OVGP1: variants seen among roughly 807,000 people sequenced by gnomAD.
OVGP1 encodes oviductal glycoprotein 1.
Under a neutral mutation model 48.2 loss-of-function variants are expected in OVGP1, and 26 were observed. The observed-to-expected ratio is 0.54, with a 90% CI of 0.40 to 0.75. The LOEUF is 0.75. Ranked by LOEUF, OVGP1 falls within the 30% of genes least tolerant of loss-of-function variation. The pLI is 0.00. For synonymous variants in OVGP1, 294 were observed against 305.7 expected (o/e 0.96, Z 0.40); for missense variants, 791 against 820.6 (o/e 0.96, Z 0.44).
chr1:111,422,352 T>C (rs536040037), intron 6 of OVGP1, among the ~76,000 whole-genome samples: 9 of 152,338 alleles, frequency 5.9e-5, no homozygotes, highest in African/African-American at 2.2e-4. Flanking sequence ...CATTTCTGTT[T>C]TGGTCTGCAT....
intron 6 of OVGP1, 73 bp from the exon 7 acceptor site, chr1:111,421,746 T>G (rs1571355148): frequency 1.1e-6 from 1 of 903,804 alleles, no homozygotes; most frequent in East Asian, 2.4e-5. Context: ...CACAGCACTG[T>G]CTAGCTAACT....
chr1:111,417,412 T>C (rs1382571230), intron 9 of OVGP1, among the ~76,000 whole-genome samples: 3 of 152,260 alleles, frequency 2.0e-5, no homozygotes, highest in Admixed American at 6.5e-5. Flanking sequence ...GCCAGTGCTC[T>C]CTGTCAAGTC....
chr1:111,427,220 T>G, intron 1 of OVGP1, 129 bp from the exon 2 acceptor site: 2 of 1,538,050 alleles, frequency 1.3e-6, no homozygotes, highest in Middle Eastern at 3.5e-4. Flanking sequence ...GACACACAAA[T>G]GGGGACACAC....
chr1:111,415,037 G>A lies in OVGP1; in HGVS notation c.1464C>T (p.Thr488=). The A allele has an allele frequency of 2.5e-6, 4 of 1,613,780 alleles. No individual in the cohort carries two copies. The change falls in exon 11 of 11, where the codon ACC becomes ACT. Residue 488 remains threonine, a synonymous_variant. Coordinates refer to ENST00000369732, the MANE Select transcript of OVGP1 (RefSeq NM_002557.4). ...TMTSVGHQSM[T]PGEKALTPVG... Reference sequence around the variant, plus strand: ...CAGGGGTCAGGGCCTTCTCTCCAGGGGTCATGGACTGATGACCCACAGAAG... The same window carrying A: ...CAGGGGTCAGGGCCTTCTCTCCAGGAGTCATGGACTGATGACCCACAGAAG...
intron 2 of OVGP1, 117 bp from the exon 3 acceptor site, chr1:111,426,758 T>TCCCTGG: frequency 6.5e-7 from 1 of 1,549,966 alleles, no homozygotes; most frequent in African/African-American, 1.4e-5. Flanking sequence ...ACATCCTCTC[T>TCCCTGG]CCCTGGCCCT....
At chr1:111,416,168 C>A (rs1652129338) in intron 10 of OVGP1, among the ~76,000 whole-genome samples, 155 bp downstream of exon 10, 1 of 152,098 alleles carries the variant, frequency 6.6e-6, no homozygotes, top group Admixed American at 6.5e-5. Context: ...CCAAGTATCC[C>A]AACAAAGACT....
rs1231424904 is a variant in OVGP1, at chr1:111,415,253, T to C, written c.1248A>G (p.Ala416=). The change falls in exon 11 of 11, where the codon GCA becomes GCG. Residue 416 remains alanine, a synonymous_variant. Transcript: ENST00000369732. ...TDPERLAVTT[A]WTTDSKILPP... ...GCAAAATCTTACTATCAGTGGTCCA[T>C]GCCGTGGTCACAGCCAGCCTTTCAG... The C allele has an allele frequency of 6.2e-7, 1 of 1,614,202 alleles. No homozygotes were observed. Among genetic ancestry groups the C allele is most frequent in the Non-Finnish European group, 8.5e-7 (1 of 1,180,032 alleles).
intron 3 of OVGP1, 23 bp from the exon 4 acceptor site, chr1:111,425,462 G>T: frequency 1.2e-6 from 2 of 1,613,934 alleles, no homozygotes; most frequent in Non-Finnish European, 1.7e-6. Context: ...AGAGAGGGTT[G>T]ATGAGCTGGG....
At chr1:111,427,620 G>T in intron 1 of OVGP1, 77 bp downstream of exon 1, 2 of 1,527,446 alleles carry the variant, frequency 1.3e-6, no homozygotes, top group Non-Finnish European at 1.8e-6. Flanking sequence ...GCTCTCTCAG[G>T]CACCAGAGAG....
intron 5 of OVGP1, 64 bp downstream of exon 5, chr1:111,423,479 C>A: frequency 6.5e-7 from 1 of 1,544,646 alleles, no homozygotes; most frequent in Non-Finnish European, 8.8e-7. Flanking sequence ...CTTCTCCTGC[C>A]ATAAGCCTAG....
chr1:111,419,130 T>A (rs1467302239), intron 9 of OVGP1, among the ~76,000 whole-genome samples: 1 of 152,108 alleles, frequency 6.6e-6, no homozygotes, highest in East Asian at 1.9e-4. Flanking sequence ...CCCAAATTCT[T>A]CTTTGAACCT....
At chr1:111,422,453 G>A (rs980067687) in intron 6 of OVGP1, among the ~76,000 whole-genome samples, 9 of 152,222 alleles carry the variant, frequency 5.9e-5, no homozygotes, top group African/African-American at 2.2e-4. Flanking sequence ...TTTATGTGCT[G>A]CTCTTTGTCT....
In OVGP1 at chr1:111,425,363, G is replaced by T; in HGVS notation, c.317+20C>A. 1 of 1,613,196 alleles carries T rather than the reference G, an allele frequency of 6.2e-7. No individual in the cohort carries two copies. Among genetic ancestry groups the T allele is most frequent in the South Asian group, 1.1e-5 (1 of 90,990 alleles). On this transcript the variant is annotated intron_variant, in intron 4 of 10. Coordinates refer to ENST00000369732, the MANE Select transcript of OVGP1 (RefSeq NM_002557.4). ...CTGCTCCACCCTCCCAGGGAGAAGA[G>T]AATAACAGCAAAGTCTCACCTTGAG...
chr1:111,424,332 C>A (rs532115595), intron 4 of OVGP1, among the ~76,000 whole-genome samples: 1 of 152,288 alleles, frequency 6.6e-6, no homozygotes, highest in African/African-American at 2.4e-5. Context: ...GTAGTGATGA[C>A]ACTTTGGAAA....
chr1:111,417,876 G>A (rs955241009), intron 9 of OVGP1, among the ~76,000 whole-genome samples: 4 of 152,188 alleles, frequency 2.6e-5, no homozygotes, highest in Admixed American at 2.0e-4. Flanking sequence ...AGCTTATATA[G>A]AATGGTTGAC....
In OVGP1 at chr1:111,426,476, T is replaced by C. The variant is rs770085234; in HGVS notation, c.221A>G (p.Glu74Gly). Residue 74 changes from glutamate (E) to glycine (G), a missense_variant, in exon 3 of 11, where the codon GAG becomes GGG. Transcript: ENST00000369732. ...NQIVAKDLQD[E>G]KILYPEFNKL... ...GTTGAACTCTGGGTAGAGAATTTTC[T>C]CATCCTGGAGATCCTTAGCAACAAT... 6.2e-7 allele frequency: 1 copy of C among 1,614,188 alleles called. No homozygotes were observed. Among genetic ancestry groups the C allele is most frequent in the Non-Finnish European group, 8.5e-7 (1 of 1,180,020 alleles).
Position 111,421,620 on chromosome 1 carries a change from C to T in OVGP1, c.662G>A (p.Arg221Lys). ...GAGGGGGCTATTATGTCCTGTGAAC[C>T]TTTCCCAACTTCCATGTAAGTCATA... is the stretch of plus-strand genomic sequence containing the variant. ...LSYDLHGSWE[R>K]FTGHNSPLFS... The change falls in exon 7 of 11, where the codon AGG becomes AAG. Residue 221 changes from arginine to lysine, a missense_variant. Arg to Lys is a conservative substitution (Grantham distance 26). Transcript: ENST00000369732. The T allele has an allele frequency of 6.2e-7, 1 of 1,613,256 alleles. No individual in the cohort carries two copies. The highest frequency in any genetic ancestry group is 2.2e-5 in the East Asian group (1 of 44,876).
intron 9 of OVGP1, among the ~76,000 whole-genome samples, chr1:111,418,226 G>C (rs1177913040): frequency 6.6e-6 from 1 of 152,126 alleles, no homozygotes; most frequent in Non-Finnish European, 1.5e-5. Context: ...GCACCTCAAA[G>C]CAAGACCACC....
chr1:111,425,722 A>C (rs926294630), intron 3 of OVGP1, among the ~76,000 whole-genome samples: 3 of 152,256 alleles, frequency 2.0e-5, no homozygotes, highest in African/African-American at 7.2e-5. Context: ...CTTCCAAAAA[A>C]AGAGCAGTCT....
Sources: allele counts gnomAD v4.1 joint callset (sites outside exome capture counted in the v4.1 genomes callset), GRCh38; gene constraint gnomAD v4.1.1; transcripts MANE v1.5; gene names NCBI Gene and HGNC (gene_info 2026-07-23, HGNC 2026-07-21).